TMPRSS15: variants seen among roughly 807,000 people sequenced by gnomAD.
TMPRSS15 encodes the protein enteropeptidase.
TMPRSS15 carries 128 observed loss-of-function variants against 125.3 expected under a neutral mutation model. The ratio of observed to expected loss-of-function variants is 1.02; its 90% CI spans 0.89 to 1.18. The LOEUF is 1.18. Among genes scored for constraint, TMPRSS15 ranks in the 50% most tolerant of loss-of-function variants. TMPRSS15 has a pLI of 0.00. For synonymous variants in TMPRSS15, 446 were observed against 423.2 expected (o/e 1.05, Z -0.66); for missense variants, 1,283 against 1,212.7 (o/e 1.06, Z -0.86).
At chr21:18,411,661 C>T (rs758524759) in intron 1 of TMPRSS15, among the ~76,000 whole-genome samples, 15 of 152,166 alleles carry the variant, frequency 9.9e-5, no homozygotes, top group Non-Finnish European at 2.1e-4. Context: ...ACCATATTTA[C>T]TTTCCCTTTG....
rs1175909842 is a variant in TMPRSS15 at position 18,396,842 on chromosome 21, CTATCT to C, written c.344+1032_344+1036del. Reference sequence around the variant, plus strand: ...TCTATCTATCTATCTATCTATCTATCTATCTATCTTAAGTCACAAAAGGCTTGGCC... The same window carrying C: ...TCTATCTATCTATCTATCTATCTATCATCTTAAGTCACAAAAGGCTTGGCC... On this transcript the variant is annotated intron_variant, in intron 3 of 24. Transcript: ENST00000284885. Among the ~76,000 whole-genome samples the C allele has an allele frequency of 4.4e-3, 647 of 147,792 alleles. 3 individuals carry two copies. The highest frequency in any genetic ancestry group is 0.01 in the Middle Eastern group (3 of 292).
intron 1 of TMPRSS15, among the ~76,000 whole-genome samples, chr21:18,439,261 T>G (rs1466290402): frequency 6.6e-6 from 1 of 152,162 alleles, no homozygotes; most frequent in African/African-American, 2.4e-5. Flanking sequence ...TAATACCTCA[T>G]GTTGAAGGAG....
At chr21:18,273,695 G>A (rs186142929) in intron 24 of TMPRSS15, among the ~76,000 whole-genome samples, 4 of 152,228 alleles carry the variant, frequency 2.6e-5, no homozygotes, top group South Asian at 2.1e-4. Context: ...TCCCTTCTGC[G>A]CAAGAATTCT....
intron 1 of TMPRSS15, among the ~76,000 whole-genome samples, chr21:18,458,923 T>A (rs1335119280): frequency 6.6e-6 from 1 of 152,170 alleles, no homozygotes; most frequent in Non-Finnish European, 1.5e-5. Flanking sequence ...TGAAATAAAA[T>A]TTATCTTTTT....
At chr21:18,393,940 T>C (rs1460403871) in intron 3 of TMPRSS15, among the ~76,000 whole-genome samples, 1 of 152,186 alleles carries the variant, frequency 6.6e-6, no homozygotes, top group African/African-American at 2.4e-5. Context: ...TCTTAATATC[T>C]GTATTCTCAG....
At chr21:18,355,129 G>A (rs2075611897) in intron 8 of TMPRSS15, among the ~76,000 whole-genome samples, 1 of 151,874 alleles carries the variant, frequency 6.6e-6, no homozygotes, top group Non-Finnish European at 1.5e-5. Flanking sequence ...ATGCATACCT[G>A]TGTAATTTTA....
At chr21:18,300,538 T>A (rs1372819699) in intron 18 of TMPRSS15, among the ~76,000 whole-genome samples, 1 of 151,442 alleles carries the variant, frequency 6.6e-6, no homozygotes, top group Non-Finnish European at 1.5e-5. Flanking sequence ...AGAGAGGGTG[T>A]TTCACTATGT....
intron 3 of TMPRSS15, among the ~76,000 whole-genome samples, chr21:18,386,549 T>C (rs970932483): frequency 2.0e-5 from 3 of 152,210 alleles, no homozygotes; most frequent in Admixed American, 2.0e-4. Context: ...TTCCAAAAGA[T>C]AGAGCACTGC....
intron 1 of TMPRSS15, among the ~76,000 whole-genome samples, chr21:18,437,563 C>T (rs187384846): frequency 1.1e-4 from 17 of 152,048 alleles, no homozygotes; most frequent in East Asian, 1.9e-4. Context: ...AGAAAATTTT[C>T]GCAACTTACT....
intron 1 of TMPRSS15, chr21:18,460,726 C>T (rs892431976): frequency 1.3e-5 from 2 of 152,132 alleles, no homozygotes; most frequent in African/African-American, 2.4e-5. Flanking sequence ...ATTCAGTCAC[C>T]TTCAACTGAT....
At position 18,437,006 on chromosome 21, in the gene TMPRSS15, C is replaced by T. The variant is rs1213026199; in HGVS notation, c.11-38677G>A. ...GTTCATATGGAACCAAAAAAGAGCC[C>T]GCATCGCCAAGTCAATCCTAAGCCA... is the stretch of plus-strand genomic sequence containing the variant. On this transcript the variant is annotated intron_variant, in intron 1 of 7. Coordinates refer to the TMPRSS15 transcript ENST00000422787. 1.7e-4 allele frequency among the ~76,000 whole-genome samples: 25 copies of T among 143,900 alleles called. 1 individual carries two copies. The highest frequency in any genetic ancestry group is 4.9e-4 in the African/African-American group (19 of 38,770). The allele number at this position is 143,900 out of a possible 152,430, so 94.4% of individuals were successfully genotyped here. A position where few individuals can be genotyped will look rare whatever the true frequency, so the allele number is the denominator to read the frequency against.
At chr21:18,459,376 C>T (rs1298393680) in intron 1 of TMPRSS15, among the ~76,000 whole-genome samples, 2 of 151,840 alleles carry the variant, frequency 1.3e-5, no homozygotes, top group South Asian at 2.1e-4. Context: ...CAAGTTCAAG[C>T]GATTCTCATG....
chr21:18,305,314 G>A (rs1378485230), intron 18 of TMPRSS15, among the ~76,000 whole-genome samples: 4 of 147,306 alleles, frequency 2.7e-5, no homozygotes, highest in Admixed American at 7.0e-5. Flanking sequence ...TCAGCCTCCC[G>A]AGTAGCTGGG....
rs9978705 is a variant in TMPRSS15, at chr21:18,344,821, G to A, written c.1172-761C>T. Among the ~76,000 whole-genome samples, 387 of 152,256 alleles carry A rather than the reference G, an allele frequency of 2.5e-3. 1 individual carries two copies. The highest frequency in any genetic ancestry group is 8.7e-3 in the African/African-American group (363 of 41,552). ...CTGCTCACATATTATGACAGGAAGCGAGAATCATGTAACTAAATATTATAT... is the reference window on the plus strand; with the variant it reads ...CTGCTCACATATTATGACAGGAAGCAAGAATCATGTAACTAAATATTATAT... On this transcript the variant is annotated intron_variant, in intron 10 of 24. Coordinates refer to ENST00000284885, the MANE Select transcript of TMPRSS15 (RefSeq NM_002772.3).
chr21:18,472,435 C>A (rs1978798142), intron 1 of TMPRSS15, among the ~76,000 whole-genome samples: 1 of 142,902 alleles, frequency 7.0e-6, no homozygotes, highest in Admixed American at 7.2e-5. Flanking sequence ...AGTAAGGGTG[C>A]AAATTTAAAG....
At chr21:18,280,882 A>C (rs1356962741) in intron 22 of TMPRSS15, among the ~76,000 whole-genome samples, 158 bp downstream of exon 22, 1 of 152,132 alleles carries the variant, frequency 6.6e-6, no homozygotes, top group African/African-American at 2.4e-5. Flanking sequence ...AATTTAATAT[A>C]TTTCTCTCTA....
intron 24 of TMPRSS15, among the ~76,000 whole-genome samples, chr21:18,271,503 G>C (rs1413448252): frequency 6.6e-6 from 1 of 152,114 alleles, no homozygotes; most frequent in Non-Finnish European, 1.5e-5. Context: ...CTACCTGATT[G>C]GGAGACCTCA....
At chr21:18,364,342 T>C (rs1042788144) in intron 7 of TMPRSS15, among the ~76,000 whole-genome samples, 1 of 152,124 alleles carries the variant, frequency 6.6e-6, no homozygotes, top group South Asian at 2.1e-4. Flanking sequence ...GCATGCTCTG[T>C]TGGGGAAATA....
intron 1 of TMPRSS15, among the ~76,000 whole-genome samples, chr21:18,446,631 C>A (rs2076256346): frequency 1.3e-5 from 2 of 152,008 alleles, no homozygotes. Context: ...AATACGGAAC[C>A]CCAAAATGCA....
Sources: allele counts gnomAD v4.1 joint callset (sites outside exome capture counted in the v4.1 genomes callset), GRCh38; gene constraint gnomAD v4.1.1; transcripts MANE v1.5; gene names NCBI Gene and HGNC (gene_info 2026-07-23, HGNC 2026-07-21).